C19orf18: variants seen among roughly 807,000 people sequenced by gnomAD.
C19orf18 encodes chromosome 19 open reading frame 18.
Under a neutral mutation model 23.3 loss-of-function variants are expected in C19orf18, and 21 were observed. The ratio of observed to expected loss-of-function variants is 0.90; its 90% CI spans 0.64 to 1.30. The LOEUF (loss-of-function observed/expected upper bound fraction) is 1.30, where lower values mean the gene tolerates loss of function less well. Among genes scored for constraint, C19orf18 ranks in the 50% most tolerant of loss-of-function variants. The pLI, the probability that C19orf18 is intolerant of heterozygous loss-of-function variation, is 0.00. For missense variants in C19orf18, 249 were observed against 259.6 expected (o/e 0.96, Z 0.28); for synonymous variants, 96 against 95.2 (o/e 1.01, Z -0.05).
chr19:57,964,058 G>A (rs2072891930), intron 4 of C19orf18, among the ~76,000 whole-genome samples: 1 of 152,058 alleles, frequency 6.6e-6, no homozygotes, highest in Admixed American at 6.6e-5. Context: ...CTTTTGAACA[G>A]GTGGTTTTGT....
At chr19:57,961,015 G>A (rs573413764) in intron 5 of C19orf18, among the ~76,000 whole-genome samples, 2 of 152,148 alleles carry the variant, frequency 1.3e-5, no homozygotes, top group East Asian at 1.9e-4. Flanking sequence ...GTATAGTGGT[G>A]AGCATAGCTG....
chr19:57,966,763 GT>G (rs11366837), intron 3 of C19orf18, 131 bp from the exon 4 acceptor site: 145,008 of 585,488 alleles, frequency 0.25, 21,536 homozygotes, highest in African/African-American at 0.57. Flanking sequence ...AGCTTGTTTT[GT>G]TTTTTTTTGT....
chr19:57,966,107 A>G (rs1319430140), intron 4 of C19orf18, among the ~76,000 whole-genome samples: 2 of 151,146 alleles, frequency 1.3e-5, no homozygotes, highest in African/African-American at 4.9e-5. Flanking sequence ...CCTCCCGAGG[A>G]GCCGGGACTA....
At chr19:57,959,145 ACT>A (rs1392463844) in intron 5 of C19orf18, among the ~76,000 whole-genome samples, 1 of 151,918 alleles carries the variant, frequency 6.6e-6, no homozygotes, top group Non-Finnish European at 1.5e-5. Flanking sequence ...CACACACTAC[ACT>A]CTCTATAGTT....
At chr19:57,965,430 C>T (rs2072901739) in intron 4 of C19orf18, among the ~76,000 whole-genome samples, 1 of 152,154 alleles carries the variant, frequency 6.6e-6, no homozygotes, top group Non-Finnish European at 1.5e-5. Flanking sequence ...CCACCACACC[C>T]GGCCTCAAGT....
At chr19:57,970,529 C>A (rs749710832) in intron 3 of C19orf18, among the ~76,000 whole-genome samples, 1 of 151,984 alleles carries the variant, frequency 6.6e-6, no homozygotes, top group Non-Finnish European at 1.5e-5. Context: ...ATTATTTAAG[C>A]TTGGCAGTTT....
chr19:57,967,011 G>T (rs1318645379), intron 3 of C19orf18, among the ~76,000 whole-genome samples: 3 of 150,764 alleles, frequency 2.0e-5, no homozygotes, highest in Non-Finnish European at 4.4e-5. Context: ...AGAAAATACT[G>T]AAGTTAGATT....
At chr19:57,971,653 T>C (rs776059519) in intron 3 of C19orf18, among the ~76,000 whole-genome samples, 1 of 152,050 alleles carries the variant, frequency 6.6e-6, no homozygotes, top group Non-Finnish European at 1.5e-5. Context: ...GTATTTTTAG[T>C]AGAGATGGGG....
rs1166642277 is a variant in C19orf18, at chr19:57,974,318, A to T, written c.115T>A (p.Leu39Ile). Residue 39 changes from leucine to isoleucine, a missense_variant, in exon 1 of 6, where the codon TTA (leucine) becomes ATA (isoleucine). Physicochemically the swap from Leu to Ile is conservative, Grantham distance 5. Transcript: ENST00000314391. ...GLHPTGNITG[L>I]PGSKRSQPPR... ...AACCAGTGGTTGAAGCTACCTGGTA[A>T]GCCTGTTATGTTTCCAGTGGGATGG... is the stretch of plus-strand genomic sequence containing the variant. The T allele has an allele frequency of 6.2e-7, 1 of 1,614,204 alleles. No homozygotes were observed. Among genetic ancestry groups the T allele is most frequent in the East Asian group, 2.2e-5 (1 of 44,892 alleles).
intron 4 of C19orf18, among the ~76,000 whole-genome samples, chr19:57,965,144 T>TATTA (rs1555787191): frequency 1.3e-5 from 2 of 151,462 alleles, no homozygotes; most frequent in Admixed American, 1.3e-4. Context: ...TTTATTTATT[T>TATTA]ATTATTTGCG....
In C19orf18 at chr19:57,966,532, T is replaced by C. The variant is rs773344124; in HGVS notation, c.369A>G (p.Ile123Met). 8 of 1,580,984 alleles carry C rather than the reference T, an allele frequency of 5.1e-6. No homozygotes were observed. Among genetic ancestry groups the C allele is most frequent in the East Asian group, 4.5e-5 (2 of 44,686 alleles). Residue 123 changes from isoleucine (I) to methionine (M), a missense_variant and splice_region_variant, in exon 4 of 6, where the codon ATA becomes ATG. Transcript: ENST00000314391. Reference sequence around the variant, plus strand: ...GATATTACTTAGCAGATACTTACTATATCATATAGGAGATTGCCATCCCAC... The same window carrying C: ...GATATTACTTAGCAGATACTTACTACATCATATAGGAGATTGCCATCCCAC... ...LICGMAISYM[I>M]YRLAQAEERQ...
chr19:57,967,556 C>T (rs2072917127), intron 3 of C19orf18, among the ~76,000 whole-genome samples: 1 of 152,110 alleles, frequency 6.6e-6, no homozygotes, highest in Non-Finnish European at 1.5e-5. Context: ...AGTTCAAGAC[C>T]AGCCTGGGCA....
At chr19:57,965,061 C>T (rs1234142387) in intron 4 of C19orf18, among the ~76,000 whole-genome samples, 1 of 152,150 alleles carries the variant, frequency 6.6e-6, no homozygotes, top group Non-Finnish European at 1.5e-5. Flanking sequence ...GGAGAGTGGT[C>T]GCTCTTTTCT....
intron 3 of C19orf18, among the ~76,000 whole-genome samples, chr19:57,970,014 G>A (rs2072934740): frequency 6.6e-6 from 1 of 152,110 alleles, no homozygotes; most frequent in Admixed American, 6.6e-5. Flanking sequence ...ATACAGTTAT[G>A]AGACATTTTG....
At chr19:57,963,025 A>AT (rs1240503714) in intron 4 of C19orf18, among the ~76,000 whole-genome samples, 15,615 of 131,170 alleles carry the variant, frequency 0.12, 1,178 homozygotes, top group African/African-American at 0.23. Flanking sequence ...TTTTAACTCA[A>AT]TTTTTTTTTT....
At chr19:57,960,206 T>C (rs930194359) in intron 5 of C19orf18, among the ~76,000 whole-genome samples, 2 of 151,230 alleles carry the variant, frequency 1.3e-5, no homozygotes, top group African/African-American at 4.9e-5. Context: ...GTGGGTGGAT[T>C]ACAAGGTCAG....
chr19:57,964,157 T>C (rs1320889496), intron 4 of C19orf18, among the ~76,000 whole-genome samples: 4 of 152,164 alleles, frequency 2.6e-5, no homozygotes, highest in Non-Finnish European at 4.4e-5. Flanking sequence ...ACAATAAGAA[T>C]TGACTAGCTC....
chr19:57,965,613 C>T (rs767042875), intron 4 of C19orf18, among the ~76,000 whole-genome samples: 3 of 152,026 alleles, frequency 2.0e-5, no homozygotes, highest in Non-Finnish European at 4.4e-5. Flanking sequence ...GGCATGGTGG[C>T]GTATGCCTGC....
At chr19:57,970,634 G>A (rs1223048389) in intron 3 of C19orf18, among the ~76,000 whole-genome samples, 1 of 151,694 alleles carries the variant, frequency 6.6e-6, no homozygotes, top group Non-Finnish European at 1.5e-5. Flanking sequence ...AGGCTGGAGT[G>A]CAGTGGTGCG....
Sources: allele counts gnomAD v4.1 joint callset (sites outside exome capture counted in the v4.1 genomes callset), GRCh38; gene constraint gnomAD v4.1.1; transcripts MANE v1.5; gene names NCBI Gene and HGNC (gene_info 2026-07-23, HGNC 2026-07-21).